The following ZCCHC8 variants were observed in gnomAD, a reference collection of about 807,000 sequenced individuals.
ZCCHC8 encodes the protein zinc finger CCHC domain-containing protein 8.
A neutral mutation model predicts 70.6 loss-of-function variants in ZCCHC8; 27 were observed. The observed-to-expected ratio is 0.38, with a 90% CI of 0.28 to 0.53. ZCCHC8 has a LOEUF of 0.53. Ranked by LOEUF, ZCCHC8 falls within the 20% of genes least tolerant of loss-of-function variation. The pLI is 0.81. For missense variants in ZCCHC8, 737 were observed against 876.9 expected, an observed-to-expected ratio of 0.84 and a Z score of 2.01; for synonymous variants, 293 against 317.4, an observed-to-expected ratio of 0.92 and a Z score of 0.82.
chr12:122,498,143 G>T (rs892253475), intron 2 of ZCCHC8, among the ~76,000 whole-genome samples: 20 of 148,426 alleles, frequency 1.3e-4, no homozygotes, highest in Non-Finnish European at 3.0e-4. Context: ...TCTTCAGCTA[G>T]AGTAATACTG....
At chr12:122,481,498 CT>C (rs1302024808) in intron 10 of ZCCHC8, 23 bp downstream of exon 10, 1 of 1,572,172 alleles carries the variant, frequency 6.4e-7, no homozygotes, top group Non-Finnish European at 8.6e-7. Context: ...CTTAAGGTGA[CT>C]TCTCTAACTT....
intron 9 of ZCCHC8, 89 bp from the exon 10 acceptor site, chr12:122,481,753 T>A (rs1957540312): frequency 6.9e-7 from 1 of 1,444,216 alleles, no homozygotes; most frequent in Non-Finnish European, 9.3e-7. Flanking sequence ...CATTTCTTGC[T>A]TATATTACAT....
chr12:122,500,394 G>T lies in ZCCHC8; in HGVS notation c.199+248C>A. 1 of 535,434 alleles carries T rather than the reference G, an allele frequency of 1.9e-6. No individual in the cohort carries two copies. Among genetic ancestry groups the T allele is most frequent in the Non-Finnish European group, 3.3e-6 (1 of 302,520 alleles). 33.2% of individuals were successfully genotyped at this position (535,434 alleles called of 1,614,324 possible). On this transcript the variant is annotated intron_variant, in intron 1 of 13. Transcript: ENST00000633063. This position sits in a 1 kb window ranked among gnomAD's most constrained non-coding sequence, Gnocchi z 4.8. ...ATAACCCTAAACACGGCACCCGGGT[G>T]GGAGGCAGGAGTGGGTCTGGTCAGG...
In ZCCHC8 at chr12:122,471,894, CTTG is replaced by C. The variant is rs1206160240; in HGVS notation, c.*1600_*1602del. 1 of 152,122 alleles carries C rather than the reference CTTG, an allele frequency of 6.6e-6. No individual in the cohort carries two copies. Among genetic ancestry groups the C allele is most frequent in the Non-Finnish European group, 1.5e-5 (1 of 68,014 alleles). 9.4% of individuals were successfully genotyped at this position (152,122 alleles called of 1,614,324 possible). On this transcript the variant is annotated 3_prime_UTR_variant, in exon 14 of 14. Transcript: ENST00000633063. ...CGATCTAAACATTTATTTTCATGGA[CTTG>C]ACTAATATAAAGATGTAATGGCATT...
intron 13 of ZCCHC8, among the ~76,000 whole-genome samples, chr12:122,474,757 G>A (rs1417943492): frequency 8.2e-6 from 1 of 122,270 alleles, no homozygotes; most frequent in Non-Finnish European, 1.7e-5. Context: ...TTTTTTTTGA[G>A]ACAGTCTTAC....
intron 5 of ZCCHC8, among the ~76,000 whole-genome samples, chr12:122,486,982 C>T (rs1423746771): frequency 6.6e-6 from 1 of 152,232 alleles, no homozygotes; most frequent in African/African-American, 2.4e-5. Context: ...AGAGCACCTT[C>T]ATGAGTAATA....
In ZCCHC8 at chr12:122,473,738, C is replaced by T. The variant is rs745374601; in HGVS notation, c.1883G>A (p.Ser628Asn). The T allele has an allele frequency of 6.2e-7, 1 of 1,613,816 alleles. No homozygotes were observed. Among genetic ancestry groups the T allele is most frequent in the Admixed American group, 1.7e-5 (1 of 60,016 alleles). Residue 628 changes from serine to asparagine, a missense_variant, in exon 14 of 14, where the codon AGT (serine) becomes AAT (asparagine). Ser to Asn is a conservative substitution (Grantham distance 46). Transcript: ENST00000633063. Reference sequence around the variant, plus strand: ...GCTGATGTCACAGTTTGGTACGACACTGCCATTATCAAGAAGGGCACCTTC... The same window carrying T: ...GCTGATGTCACAGTTTGGTACGACATTGCCATTATCAAGAAGGGCACCTTC... ...NTEGALLDNG[S>N]VVPNCDISNG...
intron 3 of ZCCHC8, among the ~76,000 whole-genome samples, chr12:122,491,298 A>C (rs1260682977): frequency 1.3e-5 from 2 of 152,120 alleles, no homozygotes; most frequent in Non-Finnish European, 2.9e-5. Flanking sequence ...ATTTCTGTAG[A>C]TGGGCAGATC....
intron 10 of ZCCHC8, 76 bp downstream of exon 10, chr12:122,481,446 A>T: frequency 4.1e-6 from 6 of 1,473,466 alleles, no homozygotes; most frequent in Non-Finnish European, 5.4e-6. Flanking sequence ...CATTCCTATC[A>T]CATTTTGTTG....
At chr12:122,496,292 T>C (rs1382982450) in intron 2 of ZCCHC8, among the ~76,000 whole-genome samples, 5 of 152,220 alleles carry the variant, frequency 3.3e-5, no homozygotes, top group African/African-American at 1.2e-4. Context: ...TCCTTTTTCC[T>C]TGGTTTTCTG....
chr12:122,477,187 C>T (rs1957435997), intron 13 of ZCCHC8, among the ~76,000 whole-genome samples: 1 of 148,958 alleles, frequency 6.7e-6, no homozygotes, highest in South Asian at 2.1e-4. Context: ...TGGAGGCTCA[C>T]ACTTTCGCCA....
Position 122,483,783 on chromosome 12 carries a change from T to A in ZCCHC8, c.502-220A>T, listed in dbSNP as rs1278948501. ...TCAGTTTTTCCTCTGTATTGGATCA[T>A]GACTATCAGCTGCATTCTCTACAGA... On this transcript the variant is annotated intron_variant, in intron 5 of 13. Transcript: ENST00000633063. The surrounding 1 kb of genome is among the most constrained non-coding windows in gnomAD (Gnocchi z 4.4). 4 of 495,470 alleles carry A rather than the reference T, an allele frequency of 8.1e-6. No individual in the cohort carries two copies. The highest frequency in any genetic ancestry group is 1.4e-5 in the Non-Finnish European group (4 of 281,282). 30.7% of individuals were successfully genotyped at this position (495,470 alleles called of 1,614,324 possible).
At chr12:122,481,409 T>C in intron 10 of ZCCHC8, 113 bp downstream of exon 10, 1 of 1,288,270 alleles carries the variant, frequency 7.8e-7, no homozygotes. Flanking sequence ...TGATATTTTT[T>C]AGTTAGCACA....
intron 2 of ZCCHC8, among the ~76,000 whole-genome samples, chr12:122,493,303 C>G (rs983396088): frequency 6.6e-6 from 1 of 151,840 alleles, no homozygotes; most frequent in Non-Finnish European, 1.5e-5. Context: ...TAATGTTTAA[C>G]AAAAAATTAA....
intron 13 of ZCCHC8, 75 bp from the exon 14 acceptor site, chr12:122,474,350 T>C (rs1480807523): frequency 2.3e-6 from 3 of 1,290,796 alleles, no homozygotes; most frequent in African/African-American, 3.0e-5. Flanking sequence ...TTATTTGAAC[T>C]CAGGTGTATC....
chr12:122,486,136 C>T (rs1957632580), intron 5 of ZCCHC8, among the ~76,000 whole-genome samples: 1 of 152,024 alleles, frequency 6.6e-6, no homozygotes, highest in African/African-American at 2.4e-5. Flanking sequence ...AATTCATGGC[C>T]AGGCGTGGTG....
chr12:122,497,317 A>G (rs1957841758), intron 2 of ZCCHC8, among the ~76,000 whole-genome samples: 1 of 151,778 alleles, frequency 6.6e-6, no homozygotes, highest in South Asian at 2.1e-4. Flanking sequence ...TGAGGTGGAC[A>G]GATCACTCGA....
intron 2 of ZCCHC8, among the ~76,000 whole-genome samples, chr12:122,498,217 C>T (rs1236761457): frequency 6.7e-6 from 1 of 150,234 alleles, no homozygotes; most frequent in East Asian, 2.0e-4. Context: ...TCACTGCAAC[C>T]TCTACCTCCC....
intron 5 of ZCCHC8, among the ~76,000 whole-genome samples, chr12:122,487,479 G>A (rs1311587119): frequency 6.6e-6 from 1 of 152,174 alleles, no homozygotes; most frequent in Non-Finnish European, 1.5e-5. Context: ...TAACATCTCA[G>A]TCCCTATTTG....
Sources: gnomAD v4.1 joint callset for allele counts (sites outside exome capture counted in the v4.1 genomes callset) on GRCh38, gnomAD v4.1.1 for gene constraint, Gnocchi (gnomAD v3.1) non-coding constraint, MANE v1.5 for transcripts, NCBI Gene and HGNC (gene_info 2026-07-23, HGNC 2026-07-21) for gene names.